CHRNA7: variants seen among roughly 807,000 people sequenced by gnomAD.
CHRNA7 encodes the protein cholinergic receptor nicotinic alpha 7 subunit.
In CHRNA7, 17 loss-of-function variants were observed where a neutral mutation model predicts 48.0. That is an observed-to-expected ratio of 0.35 (90% CI 0.24 to 0.53). The LOEUF (loss-of-function observed/expected upper bound fraction) is 0.53. Ranked by LOEUF, CHRNA7 falls within the 20% of genes least tolerant of loss-of-function variation. The probability of loss-of-function intolerance (pLI) is 0.92; values close to 1 mark genes in which losing one functional copy is unlikely to be tolerated. For synonymous variants in CHRNA7, 75 were observed against 242.3 expected (o/e 0.31, Z 6.41); for missense variants, 155 against 577.7 (o/e 0.27, Z 7.50).
intron 4 of CHRNA7, among the ~76,000 whole-genome samples, chr15:32,137,958 T>C (rs925703669): frequency 6.6e-6 from 1 of 152,216 alleles, no homozygotes; most frequent in Admixed American, 6.5e-5. Flanking sequence ...CATAGACATC[T>C]TTTTTAGGAA....
At chr15:32,071,071 T>C (rs923329628) in intron 2 of CHRNA7, among the ~76,000 whole-genome samples, 1 of 152,188 alleles carries the variant, frequency 6.6e-6, no homozygotes, top group Non-Finnish European at 1.5e-5. Context: ...GAATTGCTTT[T>C]GCACATCTGT....
At chr15:32,130,752 C>T (rs1408858396) in intron 4 of CHRNA7, among the ~76,000 whole-genome samples, 3 of 151,862 alleles carry the variant, frequency 2.0e-5, no homozygotes, top group Admixed American at 2.0e-4. Flanking sequence ...AAACATCTTA[C>T]TGGTTCAAGT....
chr15:32,053,283 A>G (rs966717301), intron 2 of CHRNA7, among the ~76,000 whole-genome samples: 2 of 152,200 alleles, frequency 1.3e-5, no homozygotes, highest in African/African-American at 4.8e-5. Flanking sequence ...TTCATCTTTG[A>G]CATGCTGTTA....
At chr15:32,070,669 CTTTTTTTTTTTTTTTTTTTTT>C (rs71113441) in intron 2 of CHRNA7, among the ~76,000 whole-genome samples, 13 of 40,898 alleles carry the variant, frequency 3.2e-4, no homozygotes, top group South Asian at 1.3e-3. Context: ...GGTTTAGTTC[CTTTTTTTTTTTTTTTTTTTTT>C]TTTTTTTTTT....
chr15:32,078,844 A>G (rs909877728), intron 2 of CHRNA7, among the ~76,000 whole-genome samples: 2 of 152,148 alleles, frequency 1.3e-5, no homozygotes, highest in African/African-American at 2.4e-5. Context: ...CAGAGATACA[A>G]CAAAAAAAGA....
At chr15:32,112,037 G>A in intron 4 of CHRNA7, 138 bp downstream of exon 4, 1 of 676,830 alleles carries the variant, frequency 1.5e-6, no homozygotes, top group Non-Finnish European at 2.6e-6. Flanking sequence ...GGCTTTCCGA[G>A]CGGCCAGGCC....
At chr15:32,067,296 G>A (rs1303064003) in intron 2 of CHRNA7, among the ~76,000 whole-genome samples, 1 of 152,320 alleles carries the variant, frequency 6.6e-6, no homozygotes, top group Middle Eastern at 3.4e-3. Flanking sequence ...CTCATCACAT[G>A]CAAAGTAGCC....
chr15:32,096,883 G>A lies in CHRNA7; in HGVS notation c.196-4420G>A, dbSNP rs141225672. On this transcript the variant is annotated intron_variant, in intron 2 of 9. Transcript: ENST00000306901. ...ATGGAAAAAGAATGAAGGGAGTTAG[G>A]CGCGTTGACTCGAGGGTGCCTTGCC... Among the ~76,000 whole-genome samples the A allele has an allele frequency of 1.5e-3, 224 of 152,310 alleles. 2 individuals are homozygous for A. Among genetic ancestry groups the A allele is most frequent in the African/African-American group, 5.1e-3 (212 of 41,570 alleles).
At chr15:32,114,044 GTATATATATATATATACA>G (rs1158464538) in intron 4 of CHRNA7, among the ~76,000 whole-genome samples, 2 of 63,606 alleles carry the variant, frequency 3.1e-5, no homozygotes, top group Non-Finnish European at 5.9e-5. Flanking sequence ...ATATATATAT[GTATATATATATATATACA>G]TATATATATA....
At chr15:32,065,428 A>C (rs571981469) in intron 2 of CHRNA7, among the ~76,000 whole-genome samples, 1 of 152,354 alleles carries the variant, frequency 6.6e-6, no homozygotes, top group Admixed American at 6.5e-5. Flanking sequence ...CCAGTCTAGA[A>C]AGCCTTTTCC....
intron 2 of CHRNA7, chr15:32,100,962 G>GT (rs956582282): frequency 1.9e-3 from 428 of 226,388 alleles, no homozygotes; most frequent in Middle Eastern, 6.0e-3. Context: ...CTACTTTTAT[G>GT]TTTTTTTTTA....
intron 3 of CHRNA7, among the ~76,000 whole-genome samples, chr15:32,106,192 G>T (rs550359743): frequency 1.3e-5 from 2 of 152,334 alleles, no homozygotes; most frequent in East Asian, 3.9e-4. Flanking sequence ...GGGTTCTGAG[G>T]GGGGTGCAAA....
chr15:32,169,340 T>TA lies in CHRNA7; in HGVS notation c.*889dup, dbSNP rs911644229. On this transcript the variant is annotated 3_prime_UTR_variant, in exon 10 of 10. Transcript: ENST00000306901. ...TAAGTGAAGCCACTTACGTGGGCTT[T>TA]AAAAAAATAATGTGTTAGCTGATTC... 7.0e-6 allele frequency: 1 copy of TA among 141,970 alleles called. No individual in the cohort carries two copies. The highest frequency in any genetic ancestry group is 7.2e-5 in the Admixed American group (1 of 13,946). 8.8% of individuals were successfully genotyped at this position (141,970 alleles called of 1,614,324 possible).
At chr15:32,130,519 G>A (rs1206444630) in intron 4 of CHRNA7, among the ~76,000 whole-genome samples, 1 of 150,160 alleles carries the variant, frequency 6.7e-6, no homozygotes, top group Non-Finnish European at 1.5e-5. Context: ...TGTTTGCAGG[G>A]TATGTGTGTC....
At chr15:32,103,236 C>T (rs980381570) in intron 3 of CHRNA7, 2 of 152,010 alleles carry the variant, frequency 1.3e-5, no homozygotes, top group African/African-American at 4.8e-5. Flanking sequence ...ATGGTGCAAC[C>T]CTGTCTCTAC....
chr15:32,132,737 G>A (rs2051177783), intron 4 of CHRNA7, among the ~76,000 whole-genome samples: 1 of 152,144 alleles, frequency 6.6e-6, no homozygotes, highest in African/African-American at 2.4e-5. Flanking sequence ...AGTCCTATCA[G>A]AATAGGGCTC....
chr15:32,099,306 A>T (rs535170200), intron 2 of CHRNA7: 1 of 152,268 alleles, frequency 6.6e-6, no homozygotes, highest in East Asian at 1.9e-4. Context: ...TGCCAAGAGG[A>T]GGGAGATTGT....
intron 2 of CHRNA7, among the ~76,000 whole-genome samples, chr15:32,062,935 G>C (rs913340705): frequency 6.6e-6 from 1 of 152,182 alleles, no homozygotes; most frequent in Non-Finnish European, 1.5e-5. Flanking sequence ...CTATATGGTA[G>C]AGCCTATTGT....
At chr15:32,064,540 T>A (rs2049934414) in intron 2 of CHRNA7, among the ~76,000 whole-genome samples, 1 of 151,836 alleles carries the variant, frequency 6.6e-6, no homozygotes, top group South Asian at 2.1e-4. Context: ...GGGGTTCCCA[T>A]ATGTCTGTAT....
Sources: gnomAD v4.1 joint callset for allele counts (sites outside exome capture counted in the v4.1 genomes callset) on GRCh38, gnomAD v4.1.1 for gene constraint, MANE v1.5 for transcripts, NCBI Gene and HGNC (gene_info 2026-07-23, HGNC 2026-07-21) for gene names.